The following TF variants were observed in gnomAD, a reference collection of about 807,000 sequenced individuals.
TF encodes the protein serotransferrin.
A neutral mutation model predicts 82.4 loss-of-function variants in TF; 55 were observed. The observed-to-expected ratio is 0.67, with a 90% CI of 0.54 to 0.84. TF has a LOEUF of 0.84. Ranked by LOEUF, TF falls within the 40% of genes least tolerant of loss-of-function variation. The pLI is 0.00. For missense variants in TF, 737 were observed against 868.4 expected, an observed-to-expected ratio of 0.85 and a Z score of 1.90; for synonymous variants, 332 against 332.6, an observed-to-expected ratio of 1.00 and a Z score of 0.02.
intron 15 of TF, among the ~76,000 whole-genome samples, chr3:133,776,009 C>T (rs550818910): frequency 6.6e-6 from 1 of 152,130 alleles, no homozygotes; most frequent in African/African-American, 2.4e-5. Flanking sequence ...TGGAACTAGA[C>T]CTCTCAGGCC....
chr3:133,731,282 G>A, the TF span, among the ~76,000 whole-genome samples: 1 of 152,218 alleles, frequency 6.6e-6, no homozygotes, highest in Non-Finnish European at 1.5e-5. Flanking sequence ...ACCTGTCTTG[G>A]TGAAGGAGCA....
chr3:133,687,458 A>G, the TF span, among the ~76,000 whole-genome samples: 1 of 152,212 alleles, frequency 6.6e-6, no homozygotes, highest in African/African-American at 2.4e-5. Context: ...AACCATTCAA[A>G]AGTGTACAAA....
At chr3:133,670,200 T>G in the TF span, among the ~76,000 whole-genome samples, 1 of 152,206 alleles carries the variant, frequency 6.6e-6, no homozygotes, top group Non-Finnish European at 1.5e-5. Flanking sequence ...TGGTTAACCT[T>G]TCTGTGCTTC....
the TF span, among the ~76,000 whole-genome samples, chr3:133,725,048 G>T: frequency 6.6e-6 from 1 of 152,130 alleles, no homozygotes; most frequent in African/African-American, 2.4e-5. Context: ...ATGCTGTTTT[G>T]GTTACTGTAG....
rs893420655 is a variant in TF at position 133,795,274 on chromosome 3, T to C, written c.*16654T>C. On this transcript the variant is annotated 3_prime_UTR_variant, in exon 17 of 17. Transcript: ENST00000402696. Reference sequence around the variant, plus strand: ...GGTGACCCTGGATAAGGAGCATACTTACTCTCAACTCTTGGTATTATCCTC... The same window carrying C: ...GGTGACCCTGGATAAGGAGCATACTCACTCTCAACTCTTGGTATTATCCTC... 16 of 152,226 alleles carry C rather than the reference T, an allele frequency of 1.1e-4. No homozygotes were observed. Among genetic ancestry groups the C allele is most frequent in the Non-Finnish European group, 2.1e-4 (14 of 68,048 alleles). The allele number at this position is 152,226 out of a possible 1,614,324, so 9.4% of individuals were successfully genotyped here.
At chr3:133,711,988 C>A in the TF span, among the ~76,000 whole-genome samples, 1 of 152,288 alleles carries the variant, frequency 6.6e-6, no homozygotes, top group South Asian at 2.1e-4. Context: ...CCCCTCCACT[C>A]TTCACTTGGG....
chr3:133,677,613 G>C, the TF span, among the ~76,000 whole-genome samples: 1 of 152,104 alleles, frequency 6.6e-6, no homozygotes, highest in Admixed American at 6.5e-5. Context: ...ACTCCAGCCT[G>C]GGCAACAGAG....
At position 133,791,874 on chromosome 3, in the gene TF, G is replaced by T. The variant is rs1576375419; in HGVS notation, c.*13254G>T. On this transcript the variant is annotated 3_prime_UTR_variant, in exon 17 of 17. Transcript: ENST00000402696. ...ACTATAAAAGAGCATTAATTAATTA[G>T]CTTAATAATAATAAGAGCTTAAATC... 6.6e-6 allele frequency: 1 copy of T among 152,102 alleles called. No individual in the cohort carries two copies. The highest frequency in any genetic ancestry group is 2.4e-5 in the African/African-American group (1 of 41,390). 9.4% of individuals were successfully genotyped at this position (152,102 alleles called of 1,614,324 possible).
chr3:133,764,366 C>G lies in TF; in HGVS notation c.1297+91C>G, dbSNP rs576607466. ...AATCACAGTCTGATTCATACCACAG[C>G]TGCCATAAAGCTTTCCCTCTCTGAG... On this transcript the variant is annotated intron_variant, in intron 10 of 16. Transcript: ENST00000402696. 5.4e-5 allele frequency: 60 copies of G among 1,113,754 alleles called. No individual in the cohort carries two copies. The African/African-American group carries it at 8.1e-4, about 15-fold the overall frequency. The allele number at this position is 1,113,754 out of a possible 1,614,324, so 69.0% of individuals were successfully genotyped here.
Position 133,794,532 on chromosome 3 carries a change from G to A in TF, c.*15912G>A, listed in dbSNP as rs1170606262. The stretch of plus-strand genomic sequence containing the variant: ...TAAAGAAAGCTTTTTATGGTTCACT[G>A]AGGACAATCAACTCCTTCACAACCT... On this transcript the variant is annotated 3_prime_UTR_variant, in exon 17 of 17. Transcript: ENST00000402696. 1 of 152,190 alleles carries A rather than the reference G, an allele frequency of 6.6e-6. No individual in the cohort carries two copies. Among genetic ancestry groups the A allele is most frequent in the African/African-American group, 2.4e-5 (1 of 41,448 alleles). The allele number at this position is 152,190 out of a possible 1,614,324, so 9.4% of individuals were successfully genotyped here. A position where few individuals can be genotyped will look rare whatever the true frequency, so the allele number is the denominator to read the frequency against.
Position 133,780,556 on chromosome 3 carries a change from A to G in TF, c.*1936A>G, listed in dbSNP as rs1477545094. On this transcript the variant is annotated 3_prime_UTR_variant, in exon 17 of 17. Transcript: ENST00000402696. ...AAGCATTCCTACTAAAGTTAGGAACATGAAAAAAATTGATTACTATCTATC... is the reference window on the plus strand; with the variant it reads ...AAGCATTCCTACTAAAGTTAGGAACGTGAAAAAAATTGATTACTATCTATC... 1.3e-5 allele frequency: 2 copies of G among 152,240 alleles called. No individual in the cohort carries two copies. The highest frequency in any genetic ancestry group is 2.9e-5 in the Non-Finnish European group (2 of 68,042). 9.4% of individuals were successfully genotyped at this position (152,240 alleles called of 1,614,324 possible).
At chr3:133,669,405 G>C in the TF span, among the ~76,000 whole-genome samples, 3 of 152,174 alleles carry the variant, frequency 2.0e-5, no homozygotes, top group Admixed American at 1.3e-4. Context: ...TAAGACAAAA[G>C]ACCCCAGACA....
At chr3:133,690,206 A>T in the TF span, among the ~76,000 whole-genome samples, 2 of 152,140 alleles carry the variant, frequency 1.3e-5, no homozygotes, top group Non-Finnish European at 2.9e-5. Context: ...ATGCCAAAAA[A>T]AAATCACATC....
chr3:133,774,080 G>A (rs1934325587), intron 14 of TF: 2 of 152,070 alleles, frequency 1.3e-5, no homozygotes, highest in Admixed American at 6.5e-5. Context: ...AGCATCTAGA[G>A]TGTTTTACAA....
In TF at chr3:133,784,977, C is replaced by T. The variant is rs1180688842; in HGVS notation, c.*6357C>T. ...GGTCAGCCCCCCGCCTGGCCAGCCG[C>T]CCCGTCCGGGAGGGAGGTGGGGGGG... On this transcript the variant is annotated 3_prime_UTR_variant, in exon 17 of 17. Transcript: ENST00000402696. The T allele has an allele frequency of 5.0e-5, 4 of 79,990 alleles. 1 individual carries two copies. The highest frequency in any genetic ancestry group is 9.4e-5 in the Non-Finnish European group (3 of 31,816). 5.0% of individuals were successfully genotyped at this position (79,990 alleles called of 1,614,324 possible). A position where few individuals can be genotyped will look rare whatever the true frequency, so the allele number is the denominator to read the frequency against.
the TF span, among the ~76,000 whole-genome samples, chr3:133,719,626 A>T: frequency 6.6e-6 from 1 of 151,118 alleles, no homozygotes; most frequent in African/African-American, 2.4e-5. Context: ...AAATTTTACA[A>T]TTTTTTTTTC....
chr3:133,770,789 C>A, intron 14 of TF: 1 of 608,028 alleles, frequency 1.6e-6, no homozygotes, highest in South Asian at 1.9e-5. Context: ...TCCTCCCCAA[C>A]ACACACTCCC....
intron 1 of TF, 143 bp downstream of exon 1, chr3:133,746,626 G>T: frequency 2.2e-6 from 2 of 899,466 alleles, no homozygotes; most frequent in Admixed American, 2.1e-5. Flanking sequence ...GCCTCTCTAC[G>T]CCCCACCCCT....
At chr3:133,734,334 G>A in the TF span, among the ~76,000 whole-genome samples, 2 of 152,296 alleles carry the variant, frequency 1.3e-5, no homozygotes, top group East Asian at 1.9e-4. Flanking sequence ...TAGAAATAGA[G>A]ATCCCAGAGC....
Sources: gnomAD v4.1 joint callset for allele counts (sites outside exome capture counted in the v4.1 genomes callset) on GRCh38, gnomAD v4.1.1 for gene constraint, MANE v1.5 for transcripts, NCBI Gene and HGNC (gene_info 2026-07-23, HGNC 2026-07-21) for gene names.